The following FAM227A variants were observed in gnomAD, a reference collection of about 807,000 sequenced individuals.
FAM227A encodes family with sequence similarity 227 member A.
FAM227A carries 80 observed loss-of-function variants against 74.7 expected under a neutral mutation model. That is an observed-to-expected ratio of 1.07 (90% CI 0.89 to 1.29). The LOEUF (loss-of-function observed/expected upper bound fraction) is 1.29. Among genes scored for constraint, FAM227A ranks in the 50% most tolerant of loss-of-function variants. The probability of loss-of-function intolerance (pLI) is 0.00; values close to 1 mark genes in which losing one functional copy is unlikely to be tolerated. For synonymous variants in FAM227A, 237 were observed against 241.8 expected, an observed-to-expected ratio of 0.98 and a Z score of 0.19; for missense variants, 654 against 683.4, an observed-to-expected ratio of 0.96 and a Z score of 0.48.
At chr22:38,604,142 C>T (rs954079391) in intron 13 of FAM227A, among the ~76,000 whole-genome samples, 1 of 152,014 alleles carries the variant, frequency 6.6e-6, no homozygotes, top group African/African-American at 2.4e-5. Context: ...GCCTGGCCAA[C>T]ATGGTGAAAC....
At chr22:38,654,145 C>T (rs1186277681) in intron 1 of FAM227A, among the ~76,000 whole-genome samples, 1 of 151,062 alleles carries the variant, frequency 6.6e-6, no homozygotes, top group African/African-American at 2.4e-5. Flanking sequence ...TCAGGAGATC[C>T]AGACCATCCT....
At chr22:38,596,982 T>C (rs761723635) in intron 15 of FAM227A, among the ~76,000 whole-genome samples, 1 of 152,110 alleles carries the variant, frequency 6.6e-6, no homozygotes, top group African/African-American at 2.4e-5. Context: ...TTTGCTTTCA[T>C]TGAACACATA....
intron 6 of FAM227A, among the ~76,000 whole-genome samples, chr22:38,630,899 G>C (rs1366266035): frequency 6.6e-6 from 1 of 152,224 alleles, no homozygotes; most frequent in Non-Finnish European, 1.5e-5. Flanking sequence ...CAGGCGCAGT[G>C]GCTCACGCCT....
chr22:38,578,922 G>C lies in FAM227A; in HGVS notation c.*7203C>G, dbSNP rs1307887073. Reference sequence around the variant, plus strand: ...ACATGCTGCACTTACCATGTGTCAGGCACTGTTCTAAGTGCCTCCCACAGA... The same window carrying C: ...ACATGCTGCACTTACCATGTGTCAGCCACTGTTCTAAGTGCCTCCCACAGA... On this transcript the variant is annotated 3_prime_UTR_variant, in exon 17 of 17. Transcript: ENST00000535113. The C allele has an allele frequency of 2.6e-5, 4 of 152,130 alleles. No homozygotes were observed. Among genetic ancestry groups the C allele is most frequent in the Admixed American group, 1.3e-4 (2 of 15,270 alleles). 9.4% of individuals were successfully genotyped at this position (152,130 alleles called of 1,614,324 possible). A position where few individuals can be genotyped will look rare whatever the true frequency, so the allele number is the denominator to read the frequency against.
chr22:38,599,257 G>A (rs1426651608), intron 14 of FAM227A, among the ~76,000 whole-genome samples: 2 of 151,980 alleles, frequency 1.3e-5, no homozygotes, highest in African/African-American at 4.8e-5. Flanking sequence ...TACCACGCCT[G>A]GCCAACCACA....
In FAM227A at chr22:38,654,548, GCTCATA is replaced by G. The variant is rs573744743; in HGVS notation, c.-95+1566_-95+1571del. Among the ~76,000 whole-genome samples, 51 of 151,670 alleles carry G rather than the reference GCTCATA, an allele frequency of 3.4e-4. No individual in the cohort carries two copies. The East Asian group carries it at 9.8e-3, about 29-fold the overall frequency. On this transcript the variant is annotated intron_variant, in intron 1 of 16. Transcript: ENST00000535113. ...TAAAATTTTAAGGCTGAATGCAGTG[GCTCATA>G]CCTGTAATCCCAATACTTTGGGAGG...
chr22:38,582,929 G>C lies in FAM227A; in HGVS notation c.*3196C>G. 6.4e-7 allele frequency: 1 copy of C among 1,550,526 alleles called. No homozygotes were observed. The highest frequency in any genetic ancestry group is 8.7e-7 in the Non-Finnish European group (1 of 1,146,992). On this transcript the variant is annotated 3_prime_UTR_variant, in exon 17 of 17. Coordinates refer to ENST00000535113, the MANE Select transcript of FAM227A (RefSeq NM_001013647.2). ...GTCTAAGCGGGGTCCTGGAGGAAGA[G>C]CAGGAATTAGTGATGTTGGCAGTTA...
intron 2 of FAM227A, among the ~76,000 whole-genome samples, chr22:38,647,054 G>C (rs2092252585): frequency 6.6e-6 from 1 of 152,066 alleles, no homozygotes; most frequent in South Asian, 2.1e-4. Flanking sequence ...GGAGGCTCAG[G>C]CAGGAGAATC....
Position 38,634,894 on chromosome 22 carries a change from T to C in FAM227A, c.519+1557A>G, listed in dbSNP as rs190250819. Among the ~76,000 whole-genome samples the C allele has an allele frequency of 4.4e-3, 670 of 152,050 alleles. 4 individuals carry two copies. The highest frequency in any genetic ancestry group is 7.3e-3 in the Non-Finnish European group (496 of 67,978). ...TCATCTCTCTTAGGAAGTCCGAATG[T>C]AAGAAACAGATGGGACCGACATAGC... On this transcript the variant is annotated intron_variant, in intron 6 of 16. Transcript: ENST00000535113.
intron 11 of FAM227A, among the ~76,000 whole-genome samples, chr22:38,613,253 AC>A (rs2091478098): frequency 1.4e-5 from 1 of 73,856 alleles, no homozygotes; most frequent in Non-Finnish European, 2.4e-5. Flanking sequence ...ATAATATATA[AC>A]ATATATTATA....
chr22:38,598,359 G>A (rs558919326), intron 14 of FAM227A, among the ~76,000 whole-genome samples: 2 of 152,266 alleles, frequency 1.3e-5, no homozygotes, highest in African/African-American at 2.4e-5. Flanking sequence ...CTTGGAGGTC[G>A]AGCTGTGCAC....
At chr22:38,645,706 C>A (rs1209194871) in intron 2 of FAM227A, 61 bp from the exon 3 acceptor site, 1 of 1,096,098 alleles carries the variant, frequency 9.1e-7, no homozygotes, top group Non-Finnish European at 1.3e-6. Flanking sequence ...CAGGATGGGG[C>A]TTGTCTGGTG....
chr22:38,613,084 A>ATATATATAATATATATAAT (rs2091453934), intron 11 of FAM227A, among the ~76,000 whole-genome samples: 2 of 87,210 alleles, frequency 2.3e-5, no homozygotes, highest in African/African-American at 9.2e-5. Flanking sequence ...ATATATAATT[A>ATATATATAATATATATAAT]TATATATATA....
At chr22:38,641,948 G>GAT (rs138550896) in intron 3 of FAM227A, among the ~76,000 whole-genome samples, 4,908 of 145,502 alleles carry the variant, frequency 0.034, 108 homozygotes, top group East Asian at 0.095. Flanking sequence ...CTCCCGAAAA[G>GAT]GTGTGTGTGT....
chr22:38,582,576 G>A lies in FAM227A; in HGVS notation c.*3549C>T. On this transcript the variant is annotated 3_prime_UTR_variant, in exon 17 of 17. Coordinates refer to ENST00000535113, the MANE Select transcript of FAM227A (RefSeq NM_001013647.2). ...TAATGTTTACAAAGGGCAGAGACAG[G>A]TTTCTTCATATTTAACATCCTGAGA... 1.2e-6 allele frequency: 1 copy of A among 808,896 alleles called. No homozygotes were observed. The highest frequency in any genetic ancestry group is 1.9e-6 in the Non-Finnish European group (1 of 524,108). The allele number at this position is 808,896 out of a possible 1,614,324, so 50.1% of individuals were successfully genotyped here. A position where few individuals can be genotyped will look rare whatever the true frequency, so the allele number is the denominator to read the frequency against.
chr22:38,607,341 A>C (rs1396715227), intron 12 of FAM227A, 48 bp downstream of exon 12: 1 of 1,407,938 alleles, frequency 7.1e-7, no homozygotes, highest in Non-Finnish European at 9.8e-7. Context: ...TTTTGGAGAC[A>C]ATAACTAAGC....
chr22:38,600,877 G>T (rs1263261201), intron 13 of FAM227A, among the ~76,000 whole-genome samples: 1 of 151,710 alleles, frequency 6.6e-6, no homozygotes, highest in Non-Finnish European at 1.5e-5. Context: ...ACTTGAATCT[G>T]GGAGGCGGAG....
At chr22:38,637,383 G>C (rs1037025741) in intron 5 of FAM227A, among the ~76,000 whole-genome samples, 20 of 152,120 alleles carry the variant, frequency 1.3e-4, no homozygotes, top group African/African-American at 4.8e-4. Context: ...TATTTAGTGT[G>C]AATTTCTTAA....
rs1192909918 is a variant in FAM227A, at chr22:38,579,562, A to G, written c.*6563T>C. 6.6e-6 allele frequency: 1 copy of G among 152,206 alleles called. No homozygotes were observed. The highest frequency in any genetic ancestry group is 1.5e-5 in the Non-Finnish European group (1 of 68,040). The allele number at this position is 152,206 out of a possible 1,614,324, so 9.4% of individuals were successfully genotyped here. ...ATGGTAGATGCCTTTAATTTTAAAA[A>G]TTATGGCTAAAATCAAATATGCACA... On this transcript the variant is annotated 3_prime_UTR_variant, in exon 17 of 17. Coordinates refer to ENST00000535113, the MANE Select transcript of FAM227A (RefSeq NM_001013647.2).
Sources: gnomAD v4.1 joint callset for allele counts (sites outside exome capture counted in the v4.1 genomes callset) on GRCh38, gnomAD v4.1.1 for gene constraint, MANE v1.5 for transcripts, NCBI Gene and HGNC (gene_info 2026-07-23, HGNC 2026-07-21) for gene names.